The following GATA4 variants were observed in gnomAD, a reference collection of about 807,000 sequenced individuals.
GATA4 encodes transcription factor GATA-4.
GATA4 carries 7 observed loss-of-function variants against 37.9 expected under a neutral mutation model. The ratio of observed to expected loss-of-function variants is 0.18; its 90% CI spans 0.11 to 0.35. The LOEUF (loss-of-function observed/expected upper bound fraction) is 0.35. Ranked by LOEUF, GATA4 falls within the 10% of genes least tolerant of loss-of-function variation. GATA4 has a pLI of 1.00. For synonymous variants in GATA4, 372 were observed against 292.6 expected (o/e 1.27, Z -2.77); for missense variants, 647 against 653.0 (o/e 0.99, Z 0.10).
chr8:11,681,244 G>C, intron 1 of GATA4: 1 of 985,362 alleles, frequency 1.0e-6, no homozygotes, highest in Non-Finnish European at 1.2e-6. Flanking sequence ...GGGACTTACA[G>C]CTCGTCTGGG....
Position 11,708,139 on chromosome 8 carries a change from GGA to G in GATA4, c.-173_-172del, listed in dbSNP as rs2130065109. The G allele has an allele frequency of 1.3e-6, 1 of 763,088 alleles. No homozygotes were observed. Among genetic ancestry groups the G allele is most frequent in the Admixed American group, 2.0e-5 (1 of 49,784 alleles). 47.3% of individuals were successfully genotyped at this position (763,088 alleles called of 1,614,324 possible). A position where few individuals can be genotyped will look rare whatever the true frequency, so the allele number is the denominator to read the frequency against. ...AGCCTAGAGCCCTTTGCTCAATGCT[GGA>G]TTTAATACGTATATATTTTTAAGCG... On this transcript the variant is annotated 5_prime_UTR_variant, in exon 2 of 7. It removes the in-frame stop codon of an upstream open reading frame in the 5' UTR. Coordinates refer to ENST00000532059, the MANE Select transcript of GATA4 (RefSeq NM_001308093.3). The surrounding 1 kb of genome is among the most constrained non-coding windows in gnomAD (Gnocchi z 6.7).
In GATA4 at chr8:11,757,275, C is replaced by A. The variant is rs528890510; in HGVS notation, c.1149+192C>A. On this transcript the variant is annotated intron_variant, in intron 6 of 6. Coordinates refer to ENST00000532059, the MANE Select transcript of GATA4 (RefSeq NM_001308093.3). ...CAGGGCCGCACGAGGCTAGGGGCATCTGCATCGGGCTGTATTTCAGGACAT... is the reference window on the plus strand; with the variant it reads ...CAGGGCCGCACGAGGCTAGGGGCATATGCATCGGGCTGTATTTCAGGACAT... Among the ~76,000 whole-genome samples, 203 of 152,368 alleles carry A rather than the reference C, an allele frequency of 1.3e-3. 1 individual carries two copies. The highest frequency in any genetic ancestry group is 4.4e-3 in the African/African-American group (181 of 41,590).
At position 11,708,274 on chromosome 8, in the gene GATA4, GGAGA is replaced by G; in HGVS notation, c.-33_-30del. 1 of 1,552,364 alleles carries G rather than the reference GGAGA, an allele frequency of 6.4e-7. No homozygotes were observed. ...CCCGCGTGGCTCCTTGACCTGCGAG[GGAGA>G]GAGAGGACACCGAAGCCGGGAGCTC... On this transcript the variant is annotated 5_prime_UTR_variant, in exon 2 of 7. Transcript: ENST00000532059. This position sits in a 1 kb window ranked among gnomAD's most constrained non-coding sequence, Gnocchi z 6.7.
chr8:11,677,583 A>T (rs948505208), intron 1 of GATA4, among the ~76,000 whole-genome samples: 3 of 152,034 alleles, frequency 2.0e-5, no homozygotes, highest in African/African-American at 7.2e-5. Flanking sequence ...GCCCTTGGAA[A>T]CTTCAGGCAA....
intron 1 of GATA4, among the ~76,000 whole-genome samples, chr8:11,684,681 C>T (rs1046379871): frequency 1.3e-5 from 2 of 152,248 alleles, no homozygotes; most frequent in Middle Eastern, 3.4e-3. Flanking sequence ...CTTTATAAAC[C>T]TTAGAGGACG....
At chr8:11,706,657 T>TA (rs1187446259) in intron 1 of GATA4, among the ~76,000 whole-genome samples, 4 of 152,138 alleles carry the variant, frequency 2.6e-5, no homozygotes, top group Non-Finnish European at 5.9e-5. Context: ...ACTATTGAAA[T>TA]AAAAAAGAAA....
rs1258554563 is a variant in GATA4, at chr8:11,708,471, C to T, written c.159C>T (p.Tyr53=). The T allele has an allele frequency of 1.2e-5, 18 of 1,514,718 alleles. No individual in the cohort carries two copies. The highest frequency in any genetic ancestry group is 2.6e-5 in the East Asian group (1 of 38,528). 93.8% of individuals were successfully genotyped at this position (1,514,718 alleles called of 1,614,324 possible). A position where few individuals can be genotyped will look rare whatever the true frequency, so the allele number is the denominator to read the frequency against. The change falls in exon 2 of 7, where the codon TAC becomes TAT. Residue 53 remains tyrosine, a synonymous_variant. Transcript: ENST00000532059. The surrounding 1 kb of genome is among the most constrained non-coding windows in gnomAD (Gnocchi z 6.7). ...RVPSSVLGLS[Y]LQGGGAGSAS... ...CCTCCTCCGTGCTGGGCCTGTCCTACCTCCAGGGCGGAGGCGCGGGCTCTG... is the reference window on the plus strand; with the variant it reads ...CCTCCTCCGTGCTGGGCCTGTCCTATCTCCAGGGCGGAGGCGCGGGCTCTG...
chr8:11,689,303 C>T (rs1307439657), upstream of GATA4, among the ~76,000 whole-genome samples: 1 of 152,198 alleles, frequency 6.6e-6, no homozygotes, highest in African/African-American at 2.4e-5. Flanking sequence ...GAAACTGAGG[C>T]TCAGCAAATT....
At chr8:11,732,480 G>C (rs930215640) in intron 2 of GATA4, among the ~76,000 whole-genome samples, 1 of 152,172 alleles carries the variant, frequency 6.6e-6, no homozygotes, top group Non-Finnish European at 1.5e-5. Flanking sequence ...TGAGGCTAGA[G>C]CAACAAAACA....
At chr8:11,684,970 A>G (rs1280470678) in intron 1 of GATA4, among the ~76,000 whole-genome samples, 2 of 152,218 alleles carry the variant, frequency 1.3e-5, no homozygotes, top group Admixed American at 6.5e-5. Context: ...AAACCCAAAA[A>G]GTGGTCATAT....
chr8:11,757,932 G>A (rs968374006), intron 6 of GATA4, among the ~76,000 whole-genome samples: 2 of 152,234 alleles, frequency 1.3e-5, no homozygotes, highest in African/African-American at 4.8e-5. Context: ...AGGGGCACCA[G>A]GAGCCCCTTC....
chr8:11,717,295 C>T (rs1378027915), intron 2 of GATA4, among the ~76,000 whole-genome samples: 1 of 152,180 alleles, frequency 6.6e-6, no homozygotes, highest in Non-Finnish European at 1.5e-5. Flanking sequence ...GGCACATTCA[C>T]GTTTGGATAC....
intron 2 of GATA4, among the ~76,000 whole-genome samples, chr8:11,744,832 G>A (rs896926453): frequency 9.9e-5 from 15 of 152,114 alleles, no homozygotes; most frequent in Admixed American, 4.6e-4. Flanking sequence ...CCCTTCTATC[G>A]CAATGGGACT....
intron 6 of GATA4, among the ~76,000 whole-genome samples, chr8:11,757,483 G>A (rs576146316): frequency 2.0e-5 from 3 of 152,360 alleles, no homozygotes; most frequent in Admixed American, 6.5e-5. Context: ...GAGGGGAGGC[G>A]TGGTTGCGCT....
At position 11,693,556 on chromosome 8, in the gene GATA4, C is replaced by CAGAG. The variant is rs1240189470; in HGVS notation, c.-729+897_-729+898insGAGA. On this transcript the variant is annotated intron_variant, in intron 1 of 2. Coordinates refer to the GATA4 transcript ENST00000526974. ...ACACACACACACACACACACACACA[C>CAGAG]ACACACAGAGAGAGAGAGAGAGAGA... Among the ~76,000 whole-genome samples the CAGAG allele has an allele frequency of 3.1e-3, 325 of 103,596 alleles. 4 individuals are homozygous for CAGAG. The highest frequency in any genetic ancestry group is 0.012 in the African/African-American group (305 of 25,830). The allele number at this position is 103,596 out of a possible 152,430, so 68.0% of individuals were successfully genotyped here. A position where few individuals can be genotyped will look rare whatever the true frequency, so the allele number is the denominator to read the frequency against.
intron 4 of GATA4, among the ~76,000 whole-genome samples, chr8:11,751,262 T>C (rs756861678): frequency 9.9e-5 from 15 of 152,192 alleles, no homozygotes; most frequent in Non-Finnish European, 1.8e-4. Context: ...CATTCTCCAT[T>C]ATACAATATT....
chr8:11,755,330 T>C (rs1192274275), intron 5 of GATA4, among the ~76,000 whole-genome samples, 197 bp downstream of exon 5: 1 of 152,118 alleles, frequency 6.6e-6, no homozygotes, highest in Non-Finnish European at 1.5e-5. Context: ...GTTGGGAGCT[T>C]TCGAAGCAGG....
rs1563236766 is a variant in GATA4, at chr8:11,759,868, T to C, written c.*1393T>C. On this transcript the variant is annotated 3_prime_UTR_variant, in exon 7 of 7. Transcript: ENST00000532059. ...CCTTTGAACCAAGATTCTGTTTTAA[T>C]CATCATTTACATTGTTTTCTTCCAA... 6.6e-6 allele frequency: 1 copy of C among 152,636 alleles called. No homozygotes were observed. The highest frequency in any genetic ancestry group is 1.5e-5 in the Non-Finnish European group (1 of 68,036). The allele number at this position is 152,636 out of a possible 1,614,324, so 9.5% of individuals were successfully genotyped here.
At chr8:11,694,626 G>C in intron 1 of GATA4, 1 of 555,714 alleles carries the variant, frequency 1.8e-6, no homozygotes, top group Non-Finnish European at 2.3e-6. Context: ...ATATTTTGTG[G>C]GGGATTGTTT....
Sources: gnomAD v4.1 joint callset for allele counts (sites outside exome capture counted in the v4.1 genomes callset) on GRCh38, gnomAD v4.1.1 for gene constraint, Gnocchi (gnomAD v3.1) non-coding constraint, MANE v1.5 for transcripts, NCBI Gene and HGNC (gene_info 2026-07-23, HGNC 2026-07-21) for gene names.